SMIM39: variants seen among roughly 807,000 people sequenced by gnomAD.
SMIM39 encodes the protein small integral membrane protein 39.
In SMIM39, 1 loss-of-function variant was observed where a neutral mutation model predicts 0.7. The observed-to-expected ratio is 1.34, with a 90% CI of 0.48 to 6.38. SMIM39 has a LOEUF of 6.38. SMIM39 is among the 30% of genes most tolerant of loss of function. SMIM39 has a pLI of 0.14. For synonymous variants in SMIM39, 31 were observed against 41.7 expected (o/e 0.74, Z 0.99); for missense variants, 68 against 75.7 (o/e 0.90, Z 0.38).
At chr2:131,035,192 T>G (rs1690159723) in exon 1 of SMIM39, 1 of 1,222,240 alleles carries the variant, frequency 8.2e-7, no homozygotes, top group Non-Finnish European at 1.0e-6. Context: ...CAGCGCGTGG[T>G]GGTCTCCGCC....
rs1690149189 is a variant in SMIM39 at position 131,035,104 on chromosome 2, CCGCAGCCCCGG to C, written c.17_27del (p.Gln6ArgfsTer?). On this transcript the variant is annotated frameshift_variant, in exon 1 of 1. Coordinates refer to ENST00000635976, the Ensembl canonical transcript of SMIM39. LOFTEE classifies it high-confidence loss of function. ...GAGGCCGGGCGCCATGGCGAGGGCCCCGCAGCCCCGGCGCGGCCCCGCGGCGCCCGGGAACG... is the reference window on the plus strand; with the variant it reads ...GAGGCCGGGCGCCATGGCGAGGGCCCCGCGGCCCCGCGGCGCCCGGGAACG... 9.1e-7 allele frequency: 1 copy of C among 1,103,598 alleles called. No homozygotes were observed. The highest frequency in any genetic ancestry group is 1.7e-5 in the African/African-American group (1 of 60,006). 68.4% of individuals were successfully genotyped at this position (1,103,598 alleles called of 1,614,324 possible).
At chr2:131,035,172 C>A (rs1320610046) in exon 1 of SMIM39, 3 of 1,220,586 alleles carry the variant, frequency 2.5e-6, no homozygotes, top group Non-Finnish European at 3.1e-6. Flanking sequence ...GCAACCTGCC[C>A]CCCGGCGCCC....
chr2:131,035,251 G>A, exon 1 of SMIM39: 1 of 1,223,808 alleles, frequency 8.2e-7, no homozygotes, highest in Non-Finnish European at 1.0e-6. Context: ...CTTCCTGCTG[G>A]CCTTCCGCTG....
chr2:131,035,218 G>A (rs967305317), exon 1 of SMIM39: 1 of 1,225,160 alleles, frequency 8.2e-7, no homozygotes, highest in African/African-American at 1.6e-5. Flanking sequence ...GGCGCTCCTG[G>A]TTCTCATCAA....
chr2:131,035,245 C>T (rs1690172332), exon 1 of SMIM39: 2 of 1,224,370 alleles, frequency 1.6e-6, no homozygotes, highest in Non-Finnish European at 2.0e-6. Flanking sequence ...ACTGATCTTC[C>T]TGCTGGCCTT....
exon 1 of SMIM39, chr2:131,035,214 C>T: frequency 1.6e-6 from 2 of 1,224,976 alleles, no homozygotes; most frequent in Non-Finnish European, 2.0e-6. Flanking sequence ...TGCTGGCGCT[C>T]CTGGTTCTCA....
At chr2:131,035,244 C>T (rs1268260681) in exon 1 of SMIM39, 2 of 1,224,496 alleles carry the variant, frequency 1.6e-6, no homozygotes. Flanking sequence ...TACTGATCTT[C>T]CTGCTGGCCT....
At chr2:131,035,256 C>G in exon 1 of SMIM39, 1 of 1,223,382 alleles carries the variant, frequency 8.2e-7, no homozygotes, top group Non-Finnish European at 1.0e-6. Context: ...TGCTGGCCTT[C>G]CGCTGAGCGG....
At chr2:131,035,124 C>T (rs1270582831) in exon 1 of SMIM39, 117 of 1,166,624 alleles carry the variant, frequency 1.0e-4, no homozygotes, top group Non-Finnish European at 1.2e-4. Context: ...GGCGCGGCCC[C>T]GCGGCGCCCG....
exon 1 of SMIM39, chr2:131,035,134 G>A: frequency 8.4e-7 from 1 of 1,188,294 alleles, no homozygotes; most frequent in South Asian, 4.2e-5. Flanking sequence ...CGCGGCGCCC[G>A]GGAACGCCCT....
exon 1 of SMIM39, chr2:131,035,102 C>T: frequency 9.1e-7 from 1 of 1,095,886 alleles, no homozygotes; most frequent in East Asian, 5.5e-5. Flanking sequence ...ATGGCGAGGG[C>T]CCCGCAGCCC....
At chr2:131,035,221 C>T in exon 1 of SMIM39, 1 of 1,225,152 alleles carries the variant, frequency 8.2e-7, no homozygotes, top group Admixed American at 4.3e-5. Context: ...GCTCCTGGTT[C>T]TCATCAACGT....
At chr2:131,035,233 G>A (rs1208643402) in exon 1 of SMIM39, 1 of 1,225,102 alleles carries the variant, frequency 8.2e-7, no homozygotes, top group Admixed American at 4.3e-5. Context: ...CATCAACGTC[G>A]TACTGATCTT....
Position 131,035,165 on chromosome 2 carries a change from A to G in SMIM39, c.74A>G (p.Asn25Ser), listed in dbSNP as rs1357437774. The G allele has an allele frequency of 1.5e-5, 18 of 1,217,606 alleles. No individual in the cohort carries two copies. In the South Asian group the frequency reaches 3.7e-4, roughly 25 times the overall value. The allele number at this position is 1,217,606 out of a possible 1,614,324, so 75.4% of individuals were successfully genotyped here. A position where few individuals can be genotyped will look rare whatever the true frequency, so the allele number is the denominator to read the frequency against. The change falls in exon 1 of 1, where the codon AAC becomes AGC. Residue 25 changes from asparagine (N) to serine (S), a missense_variant. Transcript: ENST00000635976. ...GCCCTGCGCGCCCTGCTGCGCTGCA[A>G]CCTGCCCCCCGGCGCCCAGCGCGTG...
exon 1 of SMIM39, chr2:131,035,130 G>A (rs1690152544): frequency 9.3e-6 from 11 of 1,179,394 alleles, no homozygotes; most frequent in Non-Finnish European, 1.2e-5. Context: ...GCCCCGCGGC[G>A]CCCGGGAACG....
rs1690169805 is a variant in SMIM39, at chr2:131,035,232, C to G, written c.141C>G (p.Val47=). Residue 47 remains valine (V), a synonymous_variant, in exon 1 of 1, where the codon GTC becomes GTG. Coordinates refer to ENST00000635976, the Ensembl canonical transcript of SMIM39. ...TGGCGCTCCTGGTTCTCATCAACGT[C>G]GTACTGATCTTCCTGCTGGCCTTCC... The G allele has an allele frequency of 3.3e-6, 4 of 1,225,226 alleles. No homozygotes were observed. In the East Asian group the frequency reaches 1.3e-4, roughly 39 times the overall value. 75.9% of individuals were successfully genotyped at this position (1,225,226 alleles called of 1,614,324 possible).
exon 1 of SMIM39, chr2:131,035,126 C>T (rs1690152191): frequency 8.5e-6 from 10 of 1,170,250 alleles, no homozygotes; most frequent in Non-Finnish European, 1.1e-5. Context: ...CGCGGCCCCG[C>T]GGCGCCCGGG....
chr2:131,035,146 C>T, exon 1 of SMIM39: 1 of 1,205,200 alleles, frequency 8.3e-7, no homozygotes, highest in Non-Finnish European at 1.0e-6. Flanking sequence ...GAACGCCCTG[C>T]GCGCCCTGCT....
At position 131,035,122 on chromosome 2, in the gene SMIM39, C is replaced by A. The variant is rs1370093081; in HGVS notation, c.31C>A (p.Pro11Thr). 4 of 1,162,272 alleles carry A rather than the reference C, an allele frequency of 3.4e-6. No individual in the cohort carries two copies. The African/African-American group carries it at 6.5e-5, about 19-fold the overall frequency. 72.0% of individuals were successfully genotyped at this position (1,162,272 alleles called of 1,614,324 possible). The change falls in exon 1 of 1, where the codon CCC becomes ACC. Residue 11 changes from proline to threonine, a missense_variant. Pro to Thr is a conservative substitution (Grantham distance 38). Coordinates refer to ENST00000635976, the Ensembl canonical transcript of SMIM39. ...GAGGGCCCCGCAGCCCCGGCGCGGC[C>A]CCGCGGCGCCCGGGAACGCCCTGCG...
Sources: gnomAD v4.1 joint callset for allele counts on GRCh38, gnomAD v4.1.1 for gene constraint, MANE v1.5 for transcripts, NCBI Gene and HGNC (gene_info 2026-07-23, HGNC 2026-07-21) for gene names.